CYTH3: variants seen among roughly 807,000 people sequenced by gnomAD.
CYTH3 encodes the protein cytohesin 3.
Under a neutral mutation model 55.1 loss-of-function variants are expected in CYTH3, and 23 were observed. The ratio of observed to expected loss-of-function variants is 0.42; its 90% CI spans 0.30 to 0.59. The LOEUF is 0.59. CYTH3 is among the 20% of genes least tolerant of loss of function. CYTH3 has a pLI of 0.20. For missense variants in CYTH3, 413 were observed against 524.8 expected, an observed-to-expected ratio of 0.79 and a Z score of 2.08; for synonymous variants, 249 against 194.9, an observed-to-expected ratio of 1.28 and a Z score of -2.31.
chr7:6,184,952 C>A lies in CYTH3; in HGVS notation c.249+2098G>T, dbSNP rs1452883434. ...AGATTAGAATTTATCCATGAACTTA[C>A]TGGTGTGCTGCCCTGTGCTGCACTA... On this transcript the variant is annotated intron_variant, in intron 4 of 12. Coordinates refer to ENST00000350796, the MANE Select transcript of CYTH3 (RefSeq NM_004227.4). Among the ~76,000 whole-genome samples the A allele has an allele frequency of 2.6e-5, 4 of 152,218 alleles. No homozygotes were observed. In the South Asian group the frequency reaches 8.3e-4, roughly 32 times the overall value.
chr7:6,206,187 T>C (rs1314222680), intron 1 of CYTH3, among the ~76,000 whole-genome samples: 5 of 152,180 alleles, frequency 3.3e-5, no homozygotes, highest in Non-Finnish European at 7.3e-5. Flanking sequence ...TATTCACAAA[T>C]AGCCCAAACA....
At chr7:6,239,514 T>C (rs577299711) in intron 1 of CYTH3, among the ~76,000 whole-genome samples, 4 of 152,268 alleles carry the variant, frequency 2.6e-5, no homozygotes, top group East Asian at 1.9e-4. Context: ...ACAGAATGCA[T>C]TGGCCAATGC....
rs545433790 is a variant in CYTH3, at chr7:6,191,840, G to T, written c.35-1309C>A. Reference sequence around the variant, plus strand: ...TGCCTGTATCCAAGCACTTTGGGAGGCCAAGGTGGGAGGATCACTTGAGGC... The same window carrying T: ...TGCCTGTATCCAAGCACTTTGGGAGTCCAAGGTGGGAGGATCACTTGAGGC... On this transcript the variant is annotated intron_variant, in intron 1 of 12. Transcript: ENST00000350796. 1.6e-4 allele frequency among the ~76,000 whole-genome samples: 23 copies of T among 148,310 alleles called. No homozygotes were observed. The Middle Eastern group carries it at 0.014, about 88-fold the overall frequency.
intron 1 of CYTH3, among the ~76,000 whole-genome samples, chr7:6,193,071 C>T (rs754770432): frequency 1.3e-5 from 2 of 151,958 alleles, no homozygotes; most frequent in African/African-American, 4.8e-5. Flanking sequence ...ACTGGGGAGG[C>T]TGAGGCAGGA....
intron 1 of CYTH3, among the ~76,000 whole-genome samples, chr7:6,262,960 A>AC (rs200976484): frequency 6.6e-6 from 1 of 151,824 alleles, no homozygotes; most frequent in Non-Finnish European, 1.5e-5. Context: ...GGCATTTTTG[A>AC]CCAAAAAAAA....
chr7:6,236,755 G>C (rs569128226), intron 1 of CYTH3, among the ~76,000 whole-genome samples: 1 of 151,906 alleles, frequency 6.6e-6, no homozygotes, highest in African/African-American at 2.4e-5. Context: ...TAGAGACAAA[G>C]TTTCACCATG....
Position 6,170,952 on chromosome 7 carries a change from T to TCATC in CYTH3, c.588_589insGATG (p.Ile197AspfsTer16). 6.2e-7 allele frequency: 1 copy of TCATC among 1,613,952 alleles called. No homozygotes were observed. Among genetic ancestry groups the TCATC allele is most frequent in the Non-Finnish European group, 8.5e-7 (1 of 1,179,908 alleles). The stretch of plus-strand genomic sequence containing the variant: ...TGGAGGCTGGTGTTGAGCATGATGA[T>TCATC]GGCGAATGACAGCACGTAGCACGTG... On this transcript the variant is annotated frameshift_variant, in exon 8 of 13. Coordinates refer to ENST00000350796, the MANE Select transcript of CYTH3 (RefSeq NM_004227.4). LOFTEE classifies it high-confidence loss of function. This position sits in a 1 kb window ranked among gnomAD's most constrained non-coding sequence, Gnocchi z 7.8.
chr7:6,179,673 A>ACCC (rs1783433192), intron 4 of CYTH3, among the ~76,000 whole-genome samples: 1 of 73,756 alleles, frequency 1.4e-5, no homozygotes, highest in Non-Finnish European at 2.4e-5. Flanking sequence ...CCCCACACAC[A>ACCC]CACCACACAC....
At chr7:6,197,804 G>T (rs948845893) in intron 1 of CYTH3, among the ~76,000 whole-genome samples, 1 of 152,110 alleles carries the variant, frequency 6.6e-6, no homozygotes, top group African/African-American at 2.4e-5. Flanking sequence ...TAAGTTTCAC[G>T]TATTTGGCCA....
intron 4 of CYTH3, among the ~76,000 whole-genome samples, chr7:6,180,134 G>GGATC (rs1783469647): frequency 6.6e-6 from 1 of 152,142 alleles, no homozygotes; most frequent in African/African-American, 2.4e-5. Context: ...ACACCCTGAG[G>GGATC]GATCACTAGT....
At chr7:6,232,188 G>A (rs993354659) in intron 1 of CYTH3, among the ~76,000 whole-genome samples, 12 of 151,972 alleles carry the variant, frequency 7.9e-5, no homozygotes, top group Non-Finnish European at 1.5e-4. Flanking sequence ...CCAGACATAT[G>A]CACAATTCTG....
At chr7:6,185,193 C>T (rs1242579509) in intron 4 of CYTH3, among the ~76,000 whole-genome samples, 1 of 152,174 alleles carries the variant, frequency 6.6e-6, no homozygotes, top group Non-Finnish European at 1.5e-5. Context: ...GCCCCATAAG[C>T]AGAGAACCAG....
chr7:6,247,106 C>T (rs1263305361), intron 1 of CYTH3, among the ~76,000 whole-genome samples: 1 of 152,250 alleles, frequency 6.6e-6, no homozygotes, highest in Non-Finnish European at 1.5e-5. Flanking sequence ...TGAGCTCCCA[C>T]TGAAGGCAGT....
At chr7:6,223,241 C>A (rs560230824) in intron 1 of CYTH3, among the ~76,000 whole-genome samples, 1 of 145,158 alleles carries the variant, frequency 6.9e-6, no homozygotes, top group Non-Finnish European at 1.5e-5. Context: ...CATCTGGGAA[C>A]TGAGGAGCGC....
rs952801537 is a variant in CYTH3, at chr7:6,238,924, T to TA, written c.34+33549dup. Among the ~76,000 whole-genome samples, 14 of 148,226 alleles carry TA rather than the reference T, an allele frequency of 9.4e-5. No homozygotes were observed. In the East Asian group the frequency reaches 9.7e-4, roughly 10 times the overall value. ...TCCAGGTTAAAAATAATAATAATAATAAAAAAAAGCCAAGCACACTGGTTA... is the reference window on the plus strand; with the variant it reads ...TCCAGGTTAAAAATAATAATAATAATAAAAAAAAAGCCAAGCACACTGGTTA... On this transcript the variant is annotated intron_variant, in intron 1 of 12. Transcript: ENST00000350796.
At chr7:6,205,070 T>A (rs1055590139) in intron 1 of CYTH3, among the ~76,000 whole-genome samples, 1 of 151,434 alleles carries the variant, frequency 6.6e-6, no homozygotes, top group Middle Eastern at 3.2e-3. Context: ...GGGGCTGAGG[T>A]AGGAGAATCA....
intron 1 of CYTH3, among the ~76,000 whole-genome samples, chr7:6,215,989 T>C (rs556804223): frequency 6.6e-6 from 1 of 152,156 alleles, no homozygotes; most frequent in South Asian, 2.1e-4. Flanking sequence ...CATTCTTAAA[T>C]AAAGGAAAAC....
At chr7:6,198,462 G>A (rs1001324307) in intron 1 of CYTH3, among the ~76,000 whole-genome samples, 20 of 152,174 alleles carry the variant, frequency 1.3e-4, no homozygotes, top group African/African-American at 4.6e-4. Context: ...ACATGTGACC[G>A]CCATACTAAA....
chr7:6,172,637 T>C (rs1783231704), intron 6 of CYTH3: 2 of 924,792 alleles, frequency 2.2e-6, no homozygotes, highest in African/African-American at 1.8e-5. Context: ...TGGGAATTAA[T>C]AGGAACCTCT....
Sources: gnomAD v4.1 joint callset for allele counts (sites outside exome capture counted in the v4.1 genomes callset) on GRCh38, gnomAD v4.1.1 for gene constraint, Gnocchi (gnomAD v3.1) non-coding constraint, MANE v1.5 for transcripts, NCBI Gene and HGNC (gene_info 2026-07-23, HGNC 2026-07-21) for gene names.